The following ICA1L variants were observed in gnomAD, a reference collection of about 807,000 sequenced individuals.
The protein encoded by ICA1L is islet cell autoantigen 1-like protein.
ICA1L carries 50 observed loss-of-function variants against 61.3 expected under a neutral mutation model. The observed-to-expected ratio is 0.82, with a 90% CI of 0.65 to 1.03. ICA1L has a LOEUF of 1.03. ICA1L is among the 50% of genes least tolerant of loss of function. The pLI, the probability that ICA1L is intolerant of heterozygous loss-of-function variation, is 0.00. For synonymous variants in ICA1L, 161 were observed against 191.3 expected, an observed-to-expected ratio of 0.84 and a Z score of 1.31; for missense variants, 508 against 556.7, an observed-to-expected ratio of 0.91 and a Z score of 0.88.
At chr2:202,836,754 C>T (rs1005497637) in intron 1 of ICA1L, among the ~76,000 whole-genome samples, 2 of 109,494 alleles carry the variant, frequency 1.8e-5, no homozygotes, top group African/African-American at 6.1e-5. Flanking sequence ...AGGAATTTAC[C>T]CATTTCTTTT....
intron 4 of ICA1L, 41 bp downstream of exon 4, chr2:202,821,317 G>A (rs1240400687): frequency 3.8e-6 from 6 of 1,594,570 alleles, no homozygotes; most frequent in Non-Finnish European, 5.1e-6. Context: ...AAAACTGTCA[G>A]ATTGACTACA....
rs116146010 is a variant in ICA1L, at chr2:202,835,068, T to C, written c.-7-6052A>G. On this transcript the variant is annotated intron_variant, in intron 1 of 12. Transcript: ENST00000358299. ...GGCTTACTTATTTTTAATTGACAAGTAAAAATTGTATATATTTATATTTAT... is the reference window on the plus strand; with the variant it reads ...GGCTTACTTATTTTTAATTGACAAGCAAAAATTGTATATATTTATATTTAT... 2.1e-3 allele frequency among the ~76,000 whole-genome samples: 322 copies of C among 152,252 alleles called. 3 individuals are homozygous for C. Among genetic ancestry groups the C allele is most frequent in the African/African-American group, 6.8e-3 (283 of 41,560 alleles).
intron 10 of ICA1L, among the ~76,000 whole-genome samples, chr2:202,796,599 T>C (rs1378935348): frequency 1.3e-5 from 2 of 152,236 alleles, no homozygotes; most frequent in African/African-American, 4.8e-5. Context: ...ATTGTATTCA[T>C]TCATTCAACA....
At chr2:202,826,099 T>C (rs1050560643) in intron 2 of ICA1L, among the ~76,000 whole-genome samples, 1 of 152,170 alleles carries the variant, frequency 6.6e-6, no homozygotes, top group Non-Finnish European at 1.5e-5. Context: ...CTGCATCAAA[T>C]ATTGCCAACC....
chr2:202,843,771 C>A (rs1030701556), intron 1 of ICA1L, among the ~76,000 whole-genome samples: 1 of 152,214 alleles, frequency 6.6e-6, no homozygotes, highest in Non-Finnish European at 1.5e-5. Flanking sequence ...GGGGTAAAGC[C>A]AAGATCTCTG....
intron 1 of ICA1L, among the ~76,000 whole-genome samples, chr2:202,858,105 C>T (rs1207997051): frequency 6.6e-6 from 1 of 152,158 alleles, no homozygotes; most frequent in Non-Finnish European, 1.5e-5. Flanking sequence ...TTTGACCCAG[C>T]AATCTCATTA....
At chr2:202,845,379 C>G (rs970060690) in intron 1 of ICA1L, among the ~76,000 whole-genome samples, 3 of 152,114 alleles carry the variant, frequency 2.0e-5, no homozygotes, top group African/African-American at 4.8e-5. Context: ...GTAATCCCAG[C>G]ATTTTGGGAG....
At position 202,777,043 on chromosome 2, in the gene ICA1L, G is replaced by GTTTTTTTTTT. The variant is rs1692245593; in HGVS notation, c.*2489_*2490insAAAAAAAAAA. 2 of 103,572 alleles carry GTTTTTTTTTT rather than the reference G, an allele frequency of 1.9e-5. No homozygotes were observed. The highest frequency in any genetic ancestry group is 8.4e-5 in the African/African-American group (2 of 23,732). 6.4% of individuals were successfully genotyped at this position (103,572 alleles called of 1,614,324 possible). On this transcript the variant is annotated 3_prime_UTR_variant, in exon 13 of 13. Transcript: ENST00000358299. ...TACAAACTCTCAAGACATAAAGTTA[G>GTTTTTTTTTT]CTTTTTTTTTTTTTTTTTTTTTTTT...
chr2:202,799,878 CTTTT>C (rs768203103), intron 9 of ICA1L, among the ~76,000 whole-genome samples: 1 of 133,946 alleles, frequency 7.5e-6, no homozygotes, highest in Non-Finnish European at 1.6e-5. Flanking sequence ...CTGCTTTATA[CTTTT>C]TTTTTTTTTT....
chr2:202,777,043 G>GTTTTTTTTTTTT lies in ICA1L; in HGVS notation c.*2489_*2490insAAAAAAAAAAAA, dbSNP rs1692245593. The GTTTTTTTTTTTT allele has an allele frequency of 1.9e-5, 2 of 103,572 alleles. No individual in the cohort carries two copies. Among genetic ancestry groups the GTTTTTTTTTTTT allele is most frequent in the African/African-American group, 8.4e-5 (2 of 23,732 alleles). The allele number at this position is 103,572 out of a possible 1,614,324, so 6.4% of individuals were successfully genotyped here. On this transcript the variant is annotated 3_prime_UTR_variant, in exon 13 of 13. Transcript: ENST00000358299. ...TACAAACTCTCAAGACATAAAGTTA[G>GTTTTTTTTTTTT]CTTTTTTTTTTTTTTTTTTTTTTTT...
chr2:202,838,974 A>G (rs1301701352), intron 1 of ICA1L, among the ~76,000 whole-genome samples: 3 of 152,156 alleles, frequency 2.0e-5, no homozygotes, highest in African/African-American at 7.2e-5. Flanking sequence ...CACCATGGGG[A>G]CAGTACCAAG....
intron 9 of ICA1L, among the ~76,000 whole-genome samples, chr2:202,810,500 C>T (rs1034786876): frequency 5.9e-5 from 9 of 152,116 alleles, no homozygotes; most frequent in Non-Finnish European, 1.0e-4. Context: ...CCGTCATCTT[C>T]GTAAACTGAG....
At chr2:202,860,449 T>G (rs542280957) in intron 1 of ICA1L, among the ~76,000 whole-genome samples, 1 of 152,120 alleles carries the variant, frequency 6.6e-6, no homozygotes, top group African/African-American at 2.4e-5. Flanking sequence ...CAAATGCATG[T>G]AATTTAAAAG....
At chr2:202,858,432 G>A (rs1694821368) in intron 1 of ICA1L, among the ~76,000 whole-genome samples, 1 of 152,194 alleles carries the variant, frequency 6.6e-6, no homozygotes, top group South Asian at 2.1e-4. Flanking sequence ...GAGAACACAT[G>A]GACACAGGGA....
intron 3 of ICA1L, among the ~76,000 whole-genome samples, chr2:202,823,837 C>T (rs1430701100): frequency 1.3e-5 from 2 of 152,184 alleles, no homozygotes; most frequent in Non-Finnish European, 2.9e-5. Flanking sequence ...ATACTACTTA[C>T]ATTGTCTCTC....
chr2:202,849,549 G>A lies in ICA1L; in HGVS notation c.-7-20533C>T, dbSNP rs1381003859. Among the ~76,000 whole-genome samples, 2 of 152,218 alleles carry A rather than the reference G, an allele frequency of 1.3e-5. No individual in the cohort carries two copies. The highest frequency in any genetic ancestry group is 2.9e-5 in the Non-Finnish European group (2 of 68,042). On this transcript the variant is annotated intron_variant, in intron 1 of 12. Transcript: ENST00000358299. This position sits in a 1 kb window ranked among gnomAD's most constrained non-coding sequence, Gnocchi z 4.5. ...CTGGGCAGAACTCACCACAGTGCGG[G>A]AAAGTGGCTATGGCCAGACTGCCTC...
chr2:202,841,262 T>G, intron 1 of ICA1L: 2 of 733,768 alleles, frequency 2.7e-6, no homozygotes, highest in Non-Finnish European at 5.0e-6. Context: ...TCTTGAAGTC[T>G]TCCACCAGCC....
chr2:202,803,400 C>CA (rs71030990), intron 9 of ICA1L, among the ~76,000 whole-genome samples: 3,810 of 59,986 alleles, frequency 0.064, 227 homozygotes, highest in Non-Finnish European at 0.09. Context: ...GACTCGATCT[C>CA]AAAAAAAAAA....
chr2:202,824,966 C>CT (rs1373449845), intron 3 of ICA1L, among the ~76,000 whole-genome samples: 16 of 152,076 alleles, frequency 1.1e-4, no homozygotes, highest in African/African-American at 3.9e-4. Flanking sequence ...TAATCATGAC[C>CT]TTGACAAGAG....
Sources: gnomAD v4.1 joint callset for allele counts (sites outside exome capture counted in the v4.1 genomes callset) on GRCh38, gnomAD v4.1.1 for gene constraint, Gnocchi (gnomAD v3.1) non-coding constraint, MANE v1.5 for transcripts, NCBI Gene and HGNC (gene_info 2026-07-23, HGNC 2026-07-21) for gene names.